The following DISC1 variants were observed in gnomAD, a reference collection of about 807,000 sequenced individuals.
The protein encoded by DISC1 is disrupted in schizophrenia 1 protein.
A neutral mutation model predicts 84.5 loss-of-function variants in DISC1; 57 were observed. The ratio of observed to expected loss-of-function variants is 0.67; its 90% CI spans 0.55 to 0.84. The LOEUF is 0.84. Ranked by LOEUF, DISC1 falls within the 40% of genes least tolerant of loss-of-function variation. The pLI, the probability that DISC1 is intolerant of heterozygous loss-of-function variation, is 0.00. For missense variants in DISC1, 1,000 were observed against 1,057.8 expected, an observed-to-expected ratio of 0.95 and a Z score of 0.76; for synonymous variants, 411 against 415.2, an observed-to-expected ratio of 0.99 and a Z score of 0.12.
At chr1:231,673,197 G>A (rs571661804) in intron 1 of DISC1, among the ~76,000 whole-genome samples, 58 of 152,116 alleles carry the variant, frequency 3.8e-4, no homozygotes, top group African/African-American at 6.8e-4. Context: ...TAAATAACTC[G>A]CAGTTTTAGT....
At chr1:232,033,054 T>G (rs1670199764) in intron 12 of DISC1, among the ~76,000 whole-genome samples, 1 of 152,152 alleles carries the variant, frequency 6.6e-6, no homozygotes, top group African/African-American at 2.4e-5. Context: ...CTTATATCTG[T>G]TTTCTACTCA....
At position 232,038,093 on chromosome 1, in the gene DISC1, ATAAGGCAGTGCAGTGCTCAG is replaced by A. The variant is rs990211580; in HGVS notation, c.*1273_*1292del. On this transcript the variant is annotated 3_prime_UTR_variant, in exon 13 of 13. Coordinates refer to ENST00000439617, the MANE Select transcript of DISC1 (RefSeq NM_018662.3). ...GCTCAGTAACACAGTGCAGTGCTCA[ATAAGGCAGTGCAGTGCTCAG>A]TAAGGCAGTGAATTGCTTAGTAACA... The A allele has an allele frequency of 1.3e-5, 2 of 151,560 alleles. No homozygotes were observed. Among genetic ancestry groups the A allele is most frequent in the African/African-American group, 4.9e-5 (2 of 41,182 alleles). The allele number at this position is 151,560 out of a possible 1,614,324, so 9.4% of individuals were successfully genotyped here.
chr1:231,837,224 C>T (rs1353347491), intron 9 of DISC1, among the ~76,000 whole-genome samples: 1 of 152,140 alleles, frequency 6.6e-6, no homozygotes, highest in African/African-American at 2.4e-5. Flanking sequence ...TGCAATTGTG[C>T]TTCTCATAAT....
At chr1:231,951,841 G>GGACT (rs1437906929) in intron 9 of DISC1, among the ~76,000 whole-genome samples, 1 of 151,846 alleles carries the variant, frequency 6.6e-6, no homozygotes, top group Non-Finnish European at 1.5e-5. Flanking sequence ...GGAAGTGAGA[G>GGACT]GACTGCTTGA....
intron 1 of DISC1, among the ~76,000 whole-genome samples, chr1:231,678,868 G>A (rs2063423417): frequency 6.6e-6 from 1 of 152,132 alleles, no homozygotes; most frequent in African/African-American, 2.4e-5. Flanking sequence ...AGTAGAGACA[G>A]GGTTTCACCG....
In DISC1 at chr1:231,694,743, C is replaced by T. The variant is rs755086664; in HGVS notation, c.985C>T (p.Leu329=). The T allele has an allele frequency of 3.1e-6, 5 of 1,614,120 alleles. No individual in the cohort carries two copies. In the East Asian group the frequency reaches 1.1e-4, roughly 36 times the overall value. Reference sequence around the variant, plus strand: ...AGGGGATGCCCACTCTTGGGACACCCTGCTCAGGAAATGGGAGCCAGTGCT... The same window carrying T: ...AGGGGATGCCCACTCTTGGGACACCTTGCTCAGGAAATGGGAGCCAGTGCT... The part of the protein sequence containing the change: ...GSGDAHSWDT[L]LRKWEPVLRD... Residue 329 remains leucine, a synonymous_variant, in exon 2 of 13, where the codon CTG becomes TTG. Transcript: ENST00000439617.
chr1:231,725,895 GGA>G (rs911401737), intron 3 of DISC1, among the ~76,000 whole-genome samples: 1 of 152,092 alleles, frequency 6.6e-6, no homozygotes, highest in African/African-American at 2.4e-5. Flanking sequence ...TACGAGTGCT[GGA>G]GAAACTGCAC....
In DISC1 at chr1:231,661,163, G is replaced by T. The variant is rs2061532116; in HGVS notation, c.68-32663G>T. 2.0e-5 allele frequency among the ~76,000 whole-genome samples: 3 copies of T among 151,994 alleles called. No homozygotes were observed. In the South Asian group the frequency reaches 6.2e-4, roughly 32 times the overall value. ...GTAGGTGACCTGGCCTTTCTTTCTGGCTGCCCTTCACTTTTTTTTTTTCAT... is the reference window on the plus strand; with the variant it reads ...GTAGGTGACCTGGCCTTTCTTTCTGTCTGCCCTTCACTTTTTTTTTTTCAT... On this transcript the variant is annotated intron_variant, in intron 1 of 12. Transcript: ENST00000439617.
rs531448034 is a variant in DISC1, at chr1:231,897,515, C to T, written c.1982-61313C>T. On this transcript the variant is annotated intron_variant, in intron 9 of 12. Coordinates refer to ENST00000439617, the MANE Select transcript of DISC1 (RefSeq NM_018662.3). This position sits in a 1 kb window ranked among gnomAD's most constrained non-coding sequence, Gnocchi z 4.5. ...ACAGCGCAGACTAAATCGTCTTTTT[C>T]TTTATCTTTTTTTTTTCCTTTAACA... 6.6e-6 allele frequency among the ~76,000 whole-genome samples: 1 copy of T among 152,040 alleles called. No homozygotes were observed. Among genetic ancestry groups the T allele is most frequent in the Non-Finnish European group, 1.5e-5 (1 of 67,972 alleles).
chr1:231,914,781 G>A (rs2089494659), intron 9 of DISC1, among the ~76,000 whole-genome samples: 1 of 152,204 alleles, frequency 6.6e-6, no homozygotes, highest in Non-Finnish European at 1.5e-5. Context: ...GTAAGTCCAC[G>A]ACATTTCTGT....
rs139337378 is a variant in DISC1 at position 231,817,003 on chromosome 1, A to G, written c.1793-1326A>G. On this transcript the variant is annotated intron_variant, in intron 8 of 12. Transcript: ENST00000439617. The stretch of plus-strand genomic sequence containing the variant: ...TCCTTCTTTGAGGTGGGGACTTGCT[A>G]TGTTGCCCAGACAAGAGTGTAGTGC... Among the ~76,000 whole-genome samples, 42 of 150,032 alleles carry G rather than the reference A, an allele frequency of 2.8e-4. 1 individual carries two copies. The South Asian group carries it at 8.4e-3, about 30-fold the overall frequency.
At chr1:232,010,825 G>C (rs560256625) in intron 11 of DISC1, among the ~76,000 whole-genome samples, 1 of 152,102 alleles carries the variant, frequency 6.6e-6, no homozygotes, top group African/African-American at 2.4e-5. Flanking sequence ...CGGATTCTTC[G>C]CTGCATCCCT....
At chr1:231,661,263 C>T (rs947645150) in intron 1 of DISC1, among the ~76,000 whole-genome samples, 1 of 151,952 alleles carries the variant, frequency 6.6e-6, no homozygotes, top group Non-Finnish European at 1.5e-5. Context: ...GGGTTCTCTG[C>T]ACTTCCTGAA....
chr1:231,781,470 C>A (rs971311224), intron 6 of DISC1, among the ~76,000 whole-genome samples: 2 of 152,052 alleles, frequency 1.3e-5, no homozygotes, highest in African/African-American at 2.4e-5. Context: ...TCAACTGGAG[C>A]CCCATGGATT....
chr1:232,024,592 A>G (rs1463625269), intron 11 of DISC1, among the ~76,000 whole-genome samples: 1 of 151,070 alleles, frequency 6.6e-6, no homozygotes, highest in African/African-American at 2.4e-5. Flanking sequence ...AGTTTCCCTT[A>G]TGCAATTTTT....
intron 10 of DISC1, among the ~76,000 whole-genome samples, chr1:231,983,341 C>CT (rs1298362699): frequency 1.3e-5 from 2 of 151,258 alleles, no homozygotes; most frequent in Non-Finnish European, 2.9e-5. Context: ...AAGCTGTATG[C>CT]TTGCAGGAGT....
rs9729179 is a variant in DISC1, at chr1:232,038,427, T to G, written c.*1596T>G. ...TCTCTAAACAAAGGAGTACCCTCTC[T>G]GGTCAAGTACCTTTGGTAAATACAC... On this transcript the variant is annotated 3_prime_UTR_variant, in exon 13 of 13. Transcript: ENST00000439617. 9 of 151,982 alleles carry G rather than the reference T, an allele frequency of 5.9e-5. No homozygotes were observed. The highest frequency in any genetic ancestry group is 1.2e-4 in the African/African-American group (5 of 41,426). The allele number at this position is 151,982 out of a possible 1,614,324, so 9.4% of individuals were successfully genotyped here.
chr1:231,807,765 T>C (rs1482075736), intron 8 of DISC1, among the ~76,000 whole-genome samples: 1 of 152,210 alleles, frequency 6.6e-6, no homozygotes, highest in Admixed American at 6.5e-5. Context: ...ACTCACCTTT[T>C]TTAATCAATT....
chr1:232,020,277 G>A (rs900567424), intron 11 of DISC1, among the ~76,000 whole-genome samples: 1 of 152,106 alleles, frequency 6.6e-6, no homozygotes, highest in South Asian at 2.1e-4. Flanking sequence ...AGGAGGCAGA[G>A]GTCGCAGTGA....
Sources: allele counts gnomAD v4.1 joint callset (sites outside exome capture counted in the v4.1 genomes callset), GRCh38; gene constraint gnomAD v4.1.1; non-coding constraint Gnocchi (gnomAD v3.1); transcripts MANE v1.5; gene names NCBI Gene and HGNC (gene_info 2026-07-23, HGNC 2026-07-21).